Variants in USP7 observed in about 807,000 individuals in gnomAD.
USP7 encodes the protein ubiquitin specific peptidase 7.
A neutral mutation model predicts 162.9 loss-of-function variants in USP7; 9 were observed. The ratio of observed to expected loss-of-function variants is 0.06; its 90% CI spans 0.03 to 0.10. The LOEUF (loss-of-function observed/expected upper bound fraction) is 0.10, where lower values mean the gene tolerates loss of function less well. USP7 is among the 10% of genes least tolerant of loss of function. The pLI, the probability that USP7 is intolerant of heterozygous loss-of-function variation, is 1.00. For missense variants in USP7, 715 were observed against 1,373.7 expected, an observed-to-expected ratio of 0.52 and a Z score of 7.58; for synonymous variants, 562 against 475.9, an observed-to-expected ratio of 1.18 and a Z score of -2.35.
intron 1 of USP7, among the ~76,000 whole-genome samples, chr16:8,939,056 C>T (rs1781629505): frequency 1.3e-5 from 2 of 152,150 alleles, no homozygotes; most frequent in African/African-American, 4.8e-5. Flanking sequence ...AACTACCCTG[C>T]CTGCAGTATC....
rs929125876 is a variant in USP7 at position 8,896,898 on chromosome 16, A to G, written c.2819+101T>C. Reference sequence around the variant, plus strand: ...CCCACTGAGTCTGGGAATGACGCGCATGGATCCCAGCTGGGTGATTTCCAC... The same window carrying G: ...CCCACTGAGTCTGGGAATGACGCGCGTGGATCCCAGCTGGGTGATTTCCAC... On this transcript the variant is annotated intron_variant, in intron 26 of 30. Transcript: ENST00000344836. 10 of 893,384 alleles carry G rather than the reference A, an allele frequency of 1.1e-5. No homozygotes were observed. In the African/African-American group the frequency reaches 1.3e-4, roughly 12 times the overall value. The allele number at this position is 893,384 out of a possible 1,614,324, so 55.3% of individuals were successfully genotyped here.
intron 2 of USP7, among the ~76,000 whole-genome samples, chr16:8,924,307 T>G (rs1394389949): frequency 1.3e-5 from 2 of 152,242 alleles, no homozygotes; most frequent in Non-Finnish European, 2.9e-5. Context: ...TGACCAATAC[T>G]TTTATAAAGC....
At chr16:8,952,433 C>G (rs375330302) in intron 1 of USP7, among the ~76,000 whole-genome samples, 1 of 152,124 alleles carries the variant, frequency 6.6e-6, no homozygotes, top group Admixed American at 6.5e-5. Context: ...TGGGTCTCAC[C>G]GGGCTAAAAC....
intron 1 of USP7, among the ~76,000 whole-genome samples, chr16:8,936,149 C>T (rs913801474): frequency 7.9e-5 from 12 of 152,170 alleles, no homozygotes; most frequent in Admixed American, 1.3e-4. Context: ...AGACCCAGCT[C>T]GGCCTCTGAG....
chr16:8,907,219 A>T (rs2061874363), intron 12 of USP7, among the ~76,000 whole-genome samples: 2 of 152,238 alleles, frequency 1.3e-5, no homozygotes, highest in Admixed American at 1.3e-4. Context: ...GAAATCTCAC[A>T]ATTTAAAAAA....
At chr16:8,897,788 A>C (rs1214611026) in intron 25 of USP7, among the ~76,000 whole-genome samples, 1 of 142,766 alleles carries the variant, frequency 7.0e-6, no homozygotes, top group Non-Finnish European at 1.5e-5. Flanking sequence ...AATCCTAGCT[A>C]CTTGGGGGGC....
At position 8,892,750 on chromosome 16, in the gene USP7, C is replaced by T. The variant is rs144861055; in HGVS notation, c.*1248G>A. ...TCCAGGGAGAGTAGAAATCTTCCTC[C>T]ACTTCCACGTAACTCACTGAATTAT... On this transcript the variant is annotated 3_prime_UTR_variant, in exon 31 of 31. Coordinates refer to ENST00000344836, the MANE Select transcript of USP7 (RefSeq NM_003470.3). 4 of 152,236 alleles carry T rather than the reference C, an allele frequency of 2.6e-5. No individual in the cohort carries two copies. The East Asian group carries it at 7.7e-4, about 29-fold the overall frequency. 9.4% of individuals were successfully genotyped at this position (152,236 alleles called of 1,614,324 possible). A position where few individuals can be genotyped will look rare whatever the true frequency, so the allele number is the denominator to read the frequency against.
intron 3 of USP7, among the ~76,000 whole-genome samples, chr16:8,922,958 C>T (rs999429761): frequency 2.6e-5 from 4 of 152,200 alleles, no homozygotes; most frequent in Middle Eastern, 3.2e-3. Context: ...CCTGGTGGCT[C>T]AATGGTCAGC....
Position 8,900,667 on chromosome 16 carries a change from T to C in USP7, c.2209-37A>G, listed in dbSNP as rs766321599. 5.4e-6 allele frequency: 8 copies of C among 1,479,390 alleles called. No homozygotes were observed. The African/African-American group carries it at 9.7e-5, about 18-fold the overall frequency. The allele number at this position is 1,479,390 out of a possible 1,614,324, so 91.6% of individuals were successfully genotyped here. A position where few individuals can be genotyped will look rare whatever the true frequency, so the allele number is the denominator to read the frequency against. On this transcript the variant is annotated intron_variant, in intron 20 of 30. Transcript: ENST00000344836. ...GATATAAAATTGTTACACTGCAAGT[T>C]TGTCTAACGTTTAATATGGCCAGAT...
intron 1 of USP7, among the ~76,000 whole-genome samples, chr16:8,950,931 T>C (rs959511355): frequency 1.3e-5 from 2 of 152,326 alleles, no homozygotes; most frequent in South Asian, 2.1e-4. Context: ...GAACCTCATG[T>C]ACAATTGGTG....
intron 1 of USP7, among the ~76,000 whole-genome samples, chr16:8,948,815 T>C (rs893977119): frequency 6.6e-6 from 1 of 152,048 alleles, no homozygotes; most frequent in Non-Finnish European, 1.5e-5. Context: ...AATACAAAAC[T>C]TAGCCAGGCG....
chr16:8,946,073 G>T (rs1234794796), intron 1 of USP7, among the ~76,000 whole-genome samples: 1 of 152,058 alleles, frequency 6.6e-6, no homozygotes, highest in Admixed American at 6.5e-5. Context: ...GACAAAGACA[G>T]TCTCTAACAA....
At chr16:8,898,079 C>G (rs532991484) in intron 25 of USP7, among the ~76,000 whole-genome samples, 1 of 152,228 alleles carries the variant, frequency 6.6e-6, no homozygotes, top group South Asian at 2.1e-4. Context: ...AAGGATCCTC[C>G]TCCTCAGCCA....
At chr16:8,938,369 T>G (rs947245824) in intron 1 of USP7, among the ~76,000 whole-genome samples, 9 of 147,458 alleles carry the variant, frequency 6.1e-5, no homozygotes, top group East Asian at 2.0e-4. Flanking sequence ...AAGAAAGAAA[T>G]AATACAGTCA....
At chr16:8,949,104 T>C (rs1279648771) in intron 1 of USP7, among the ~76,000 whole-genome samples, 6 of 152,234 alleles carry the variant, frequency 3.9e-5, no homozygotes, top group South Asian at 2.1e-4. Flanking sequence ...AGTCACACAA[T>C]TGTGAATACT....
rs144358776 is a variant in USP7, at chr16:8,896,812, C to G, written c.2819+187G>C. On this transcript the variant is annotated intron_variant, in intron 26 of 30. Coordinates refer to ENST00000344836, the MANE Select transcript of USP7 (RefSeq NM_003470.3). ...AGGGTTACCCCTGAGACTTGAAAAA[C>G]TGGAGCAACACTGGGTCTGTGTTGA... Among the ~76,000 whole-genome samples, 122 of 152,298 alleles carry G rather than the reference C, an allele frequency of 8.0e-4. 3 individuals carry two copies. The East Asian group carries it at 0.022, about 27-fold the overall frequency.
chr16:8,909,651 G>T (rs138700330), intron 11 of USP7, among the ~76,000 whole-genome samples: 1 of 152,214 alleles, frequency 6.6e-6, no homozygotes, highest in Non-Finnish European at 1.5e-5. Flanking sequence ...CTTTCTGGAT[G>T]AGCAAGTGGC....
intron 1 of USP7, among the ~76,000 whole-genome samples, chr16:8,934,085 C>T (rs1179231387): frequency 1.3e-5 from 2 of 152,164 alleles, no homozygotes; most frequent in African/African-American, 2.4e-5. Flanking sequence ...ATTTGCTAGA[C>T]GTACACCCAG....
intron 22 of USP7, 28 bp from the exon 23 acceptor site, chr16:8,899,216 T>G: frequency 6.2e-7 from 1 of 1,611,698 alleles, no homozygotes; most frequent in Non-Finnish European, 8.5e-7. Context: ...AGGTTCACAT[T>G]TTGGGGAAAA....
Sources: allele counts gnomAD v4.1 joint callset (sites outside exome capture counted in the v4.1 genomes callset), GRCh38; gene constraint gnomAD v4.1.1; transcripts MANE v1.5; gene names NCBI Gene and HGNC (gene_info 2026-07-23, HGNC 2026-07-21).